Variants in SKAP2 observed in about 807,000 individuals in gnomAD.
The protein encoded by SKAP2 is src kinase associated phosphoprotein 2.
A neutral mutation model predicts 54.9 loss-of-function variants in SKAP2; 28 were observed. The ratio of observed to expected loss-of-function variants is 0.51; its 90% CI spans 0.38 to 0.70. SKAP2 has a LOEUF of 0.70. Among genes scored for constraint, SKAP2 ranks in the 30% least tolerant of loss-of-function variants. The pLI is 0.00. For missense variants in SKAP2, 356 were observed against 424.1 expected, an observed-to-expected ratio of 0.84 and a Z score of 1.41; for synonymous variants, 137 against 134.3, an observed-to-expected ratio of 1.02 and a Z score of -0.14.
chr7:26,671,086 T>C (rs887150272), intron 11 of SKAP2, among the ~76,000 whole-genome samples: 5 of 152,072 alleles, frequency 3.3e-5, no homozygotes, highest in East Asian at 1.9e-4. Context: ...GCTTTAGGCA[T>C]TGTGAATACT....
chr7:26,695,342 T>C (rs1786872119), intron 9 of SKAP2, among the ~76,000 whole-genome samples: 1 of 152,238 alleles, frequency 6.6e-6, no homozygotes. Context: ...TGCTTAAATG[T>C]TCACATTATA....
chr7:26,670,237 G>T, intron 11 of SKAP2, 45 bp from the exon 12 acceptor site: 1 of 856,744 alleles, frequency 1.2e-6, no homozygotes. Flanking sequence ...ACTGGTGTAA[G>T]TACAATGTCG....
At chr7:26,835,147 C>A (rs189623438) in intron 4 of SKAP2, among the ~76,000 whole-genome samples, 5 of 152,196 alleles carry the variant, frequency 3.3e-5, no homozygotes, top group African/African-American at 1.2e-4. Flanking sequence ...ATTCAGCAGC[C>A]CTTCATGCAA....
chr7:26,837,662 T>C (rs1238239066), intron 4 of SKAP2, among the ~76,000 whole-genome samples: 1 of 152,144 alleles, frequency 6.6e-6, no homozygotes, highest in Non-Finnish European at 1.5e-5. Context: ...AACATGTGAT[T>C]TGGGCGGAGA....
chr7:26,687,874 C>A (rs554557531), intron 10 of SKAP2, among the ~76,000 whole-genome samples: 4 of 151,938 alleles, frequency 2.6e-5, no homozygotes, highest in Admixed American at 2.6e-4. Context: ...GTTTAGTTGG[C>A]TTTACTACAT....
chr7:26,862,028 A>C (rs1785281361), intron 1 of SKAP2, among the ~76,000 whole-genome samples: 2 of 152,014 alleles, frequency 1.3e-5, no homozygotes, highest in South Asian at 4.1e-4. Context: ...GTTAACTACA[A>C]CACCATTACC....
At chr7:26,712,442 T>C (rs1783414846) in intron 9 of SKAP2, among the ~76,000 whole-genome samples, 1 of 152,222 alleles carries the variant, frequency 6.6e-6, no homozygotes, top group African/African-American at 2.4e-5. Flanking sequence ...CTTTTTTATA[T>C]GTGTGCAGTA....
chr7:26,773,158 A>T (rs1220141746), intron 4 of SKAP2, among the ~76,000 whole-genome samples: 2 of 152,252 alleles, frequency 1.3e-5, no homozygotes, highest in African/African-American at 4.8e-5. Flanking sequence ...GTCTACAACT[A>T]GCAGCCACAC....
At chr7:26,728,304 C>T (rs1005512722) in intron 6 of SKAP2, among the ~76,000 whole-genome samples, 9 of 152,012 alleles carry the variant, frequency 5.9e-5, no homozygotes, top group African/African-American at 1.9e-4. Flanking sequence ...AACGTTTTGC[C>T]GAATTAAACA....
chr7:26,778,936 T>C (rs920822303), intron 4 of SKAP2, among the ~76,000 whole-genome samples: 1 of 152,026 alleles, frequency 6.6e-6, no homozygotes, highest in African/African-American at 2.4e-5. Context: ...TTTTTCAGAC[T>C]ATGTAATGTC....
At chr7:26,671,044 C>T (rs1786224669) in intron 11 of SKAP2, among the ~76,000 whole-genome samples, 1 of 152,010 alleles carries the variant, frequency 6.6e-6, no homozygotes, top group African/African-American at 2.4e-5. Context: ...TCCTTTTCTC[C>T]CACTTTTTCC....
intron 6 of SKAP2, among the ~76,000 whole-genome samples, chr7:26,727,705 A>G (rs1049379342): frequency 2.0e-5 from 3 of 152,140 alleles, no homozygotes; most frequent in Non-Finnish European, 2.9e-5. Flanking sequence ...GAGGCAAAAG[A>G]TGATTACAGC....
intron 4 of SKAP2, among the ~76,000 whole-genome samples, chr7:26,833,532 C>T (rs1784641544): frequency 1.3e-5 from 2 of 151,890 alleles, no homozygotes; most frequent in Admixed American, 1.3e-4. Flanking sequence ...GGAATATTTA[C>T]CAAGCAAATG....
intron 9 of SKAP2, among the ~76,000 whole-genome samples, chr7:26,714,940 G>A (rs1787398546): frequency 1.3e-5 from 2 of 152,042 alleles, no homozygotes; most frequent in Non-Finnish European, 2.9e-5. Context: ...CAGTTTAAAA[G>A]TCTGATATGA....
At chr7:26,803,832 C>T (rs1342578736) in intron 4 of SKAP2, among the ~76,000 whole-genome samples, 1 of 152,082 alleles carries the variant, frequency 6.6e-6, no homozygotes, top group Admixed American at 6.5e-5. Context: ...ATGGATGGAA[C>T]TGGAAATCAT....
At position 26,669,082 on chromosome 7, in the gene SKAP2, A is replaced by G. The variant is rs914810559; in HGVS notation, c.*584T>C. On this transcript the variant is annotated 3_prime_UTR_variant, in exon 13 of 13. Coordinates refer to ENST00000345317, the MANE Select transcript of SKAP2 (RefSeq NM_003930.5). Reference sequence around the variant, plus strand: ...GCACACTGCCATTTGCAACTTCATCATTTTTTCTTTCTTGCGGCTGTACTT... The same window carrying G: ...GCACACTGCCATTTGCAACTTCATCGTTTTTTCTTTCTTGCGGCTGTACTT... 2.0e-5 allele frequency: 3 copies of G among 151,998 alleles called. No homozygotes were observed. The highest frequency in any genetic ancestry group is 1.5e-5 in the Non-Finnish European group (1 of 68,000). 9.4% of individuals were successfully genotyped at this position (151,998 alleles called of 1,614,324 possible). A position where few individuals can be genotyped will look rare whatever the true frequency, so the allele number is the denominator to read the frequency against.
intron 11 of SKAP2, among the ~76,000 whole-genome samples, chr7:26,683,875 T>C (rs1328011696): frequency 6.6e-6 from 1 of 152,186 alleles, no homozygotes; most frequent in Non-Finnish European, 1.5e-5. Flanking sequence ...AGAAACCACA[T>C]CAACCTCCTA....
chr7:26,668,531 A>T lies in SKAP2; in HGVS notation c.*1135T>A, dbSNP rs1370951737. ...CTCTGCAAACCCTTCCTTTCTTTTC[A>T]GTGCTCTGAGAAGTATATAGAAAAG... is the stretch of plus-strand genomic sequence containing the variant. On this transcript the variant is annotated 3_prime_UTR_variant, in exon 13 of 13. Coordinates refer to ENST00000345317, the MANE Select transcript of SKAP2 (RefSeq NM_003930.5). The T allele has an allele frequency of 2.6e-5, 4 of 152,106 alleles. No homozygotes were observed. Among genetic ancestry groups the T allele is most frequent in the Non-Finnish European group, 5.9e-5 (4 of 68,042 alleles). The allele number at this position is 152,106 out of a possible 1,614,324, so 9.4% of individuals were successfully genotyped here. A position where few individuals can be genotyped will look rare whatever the true frequency, so the allele number is the denominator to read the frequency against.
At chr7:26,760,207 A>G (rs1782894884) in intron 4 of SKAP2, among the ~76,000 whole-genome samples, 2 of 152,210 alleles carry the variant, frequency 1.3e-5, no homozygotes, top group African/African-American at 2.4e-5. Context: ...AATTCAAACT[A>G]CTTGAAATTC....
Sources: allele counts gnomAD v4.1 joint callset (sites outside exome capture counted in the v4.1 genomes callset), GRCh38; gene constraint gnomAD v4.1.1; transcripts MANE v1.5; gene names NCBI Gene and HGNC (gene_info 2026-07-23, HGNC 2026-07-21).